Variants in INHBC observed in about 807,000 individuals in gnomAD.
INHBC encodes inhibin subunit beta C.
A neutral mutation model predicts 12.4 loss-of-function variants in INHBC; 10 were observed. That is an observed-to-expected ratio of 0.81 (90% CI 0.50 to 1.37). The LOEUF (loss-of-function observed/expected upper bound fraction) is 1.37, where lower values mean the gene tolerates loss of function less well. Ranked by LOEUF, INHBC falls within the 40% of genes most tolerant of loss-of-function variation. The probability of loss-of-function intolerance (pLI) is 0.00; values close to 1 mark genes in which losing one functional copy is unlikely to be tolerated. For missense variants in INHBC, 382 were observed against 439.4 expected, an observed-to-expected ratio of 0.87 and a Z score of 1.17; for synonymous variants, 147 against 171.6, an observed-to-expected ratio of 0.86 and a Z score of 1.12.
Position 57,435,046 on chromosome 12 carries a change from A to G in INHBC, c.160A>G (p.Lys54Glu), listed in dbSNP as rs751573600. 22 of 1,614,194 alleles carry G rather than the reference A, an allele frequency of 1.4e-5. No individual in the cohort carries two copies. The highest frequency in any genetic ancestry group is 1.9e-5 in the Non-Finnish European group (22 of 1,180,040). Residue 54 changes from lysine to glutamate, a missense_variant, in exon 1 of 2, where the codon AAG becomes GAG. Coordinates refer to ENST00000309668, the MANE Select transcript of INHBC (RefSeq NM_005538.4). Reference protein sequence around the residue: ...LDLAKRSILDKLHLTQRPTLN... With the variant: ...LDLAKRSILDELHLTQRPTLN... ...TCTGGCCAAGAGAAGCATCTTGGAC[A>G]AGCTGCACCTCACCCAGCGCCCAAC...
At chr12:57,438,849 G>A (rs1485704024) in intron 1 of INHBC, among the ~76,000 whole-genome samples, 2 of 152,142 alleles carry the variant, frequency 1.3e-5, no homozygotes, top group Non-Finnish European at 2.9e-5. Context: ...TCAGGATCGG[G>A]CTAAAGTTCA....
At chr12:57,435,655 C>T (rs1204194321) in intron 1 of INHBC, among the ~76,000 whole-genome samples, 1 of 152,072 alleles carries the variant, frequency 6.6e-6, no homozygotes, top group Non-Finnish European at 1.5e-5. Context: ...ACTGCAATAC[C>T]TCACCATATG....
At chr12:57,436,663 A>G (rs971150651) in intron 1 of INHBC, among the ~76,000 whole-genome samples, 2 of 148,416 alleles carry the variant, frequency 1.3e-5, no homozygotes, top group African/African-American at 2.5e-5. Flanking sequence ...TTTATTTTTT[A>G]TTTTATTTTA....
chr12:57,447,537 A>T (rs969300938), intron 1 of INHBC, among the ~76,000 whole-genome samples: 3 of 151,074 alleles, frequency 2.0e-5, no homozygotes, highest in Non-Finnish European at 4.4e-5. Context: ...AAGAATGAAG[A>T]GGGGGTATAT....
intron 1 of INHBC, among the ~76,000 whole-genome samples, chr12:57,437,544 G>T (rs1202998004): frequency 6.6e-6 from 1 of 151,384 alleles, no homozygotes; most frequent in East Asian, 2.0e-4. Context: ...GGTGGCAGGC[G>T]CCTGTAGTCC....
intron 1 of INHBC, among the ~76,000 whole-genome samples, chr12:57,436,558 T>A (rs1870346244): frequency 7.2e-6 from 1 of 139,644 alleles, no homozygotes; most frequent in South Asian, 2.4e-4. Context: ...CATTGCAGCC[T>A]CAACCTCCCA....
At chr12:57,437,868 C>A (rs1372909759) in intron 1 of INHBC, among the ~76,000 whole-genome samples, 2 of 151,790 alleles carry the variant, frequency 1.3e-5, no homozygotes, top group Non-Finnish European at 2.9e-5. Context: ...TCACTGCAAC[C>A]CCCGCCTCCC....
intron 1 of INHBC, among the ~76,000 whole-genome samples, chr12:57,435,847 C>CTT (rs553110736): frequency 4.9e-5 from 7 of 143,946 alleles, no homozygotes; most frequent in Admixed American, 1.4e-4. Context: ...TAGCAAGACC[C>CTT]TTTTTTTTTT....
chr12:57,447,287 C>G (rs956806456), intron 1 of INHBC, among the ~76,000 whole-genome samples: 1 of 151,794 alleles, frequency 6.6e-6, no homozygotes. Flanking sequence ...CAAGTTCAAG[C>G]GATTCTCCTG....
At chr12:57,442,399 A>T (rs1180712344) in intron 1 of INHBC, among the ~76,000 whole-genome samples, 1 of 152,206 alleles carries the variant, frequency 6.6e-6, no homozygotes, top group Admixed American at 6.5e-5. Context: ...TGCCTGCCAT[A>T]ACTGGAGTGA....
At chr12:57,445,508 C>A (rs1200325100) in intron 1 of INHBC, among the ~76,000 whole-genome samples, 1 of 152,128 alleles carries the variant, frequency 6.6e-6, no homozygotes, top group Non-Finnish European at 1.5e-5. Context: ...TAAACACAAT[C>A]AAGATTTTGC....
At chr12:57,440,108 T>G (rs1283835272) in intron 1 of INHBC, among the ~76,000 whole-genome samples, 1 of 152,176 alleles carries the variant, frequency 6.6e-6, no homozygotes, top group African/African-American at 2.4e-5. Context: ...TGCCCTGAGG[T>G]AATTTCTTAC....
intron 1 of INHBC, among the ~76,000 whole-genome samples, chr12:57,446,810 C>T (rs188623306): frequency 5.9e-5 from 9 of 151,834 alleles, no homozygotes; most frequent in East Asian, 3.9e-4. Flanking sequence ...TGACTTCCAA[C>T]ATTTAAAGGT....
At chr12:57,446,520 G>T (rs947903490) in intron 1 of INHBC, among the ~76,000 whole-genome samples, 13 of 149,246 alleles carry the variant, frequency 8.7e-5, no homozygotes, top group Non-Finnish European at 1.6e-4. Flanking sequence ...TTGAGACAGG[G>T]TCTCATTTTG....
rs1434068543 is a variant in INHBC at position 57,451,795 on chromosome 12, A to G, written c.*1773A>G. The G allele has an allele frequency of 1.1e-5, 5 of 452,026 alleles. No homozygotes were observed. Among genetic ancestry groups the G allele is most frequent in the Non-Finnish European group, 2.2e-5 (5 of 225,602 alleles). 28.0% of individuals were successfully genotyped at this position (452,026 alleles called of 1,614,324 possible). A position where few individuals can be genotyped will look rare whatever the true frequency, so the allele number is the denominator to read the frequency against. The stretch of plus-strand genomic sequence containing the variant: ...TTGAGGAGACCTTCATCTAAGGAGA[A>G]TCTAAGGAGGCCTTCTGGTGTCTCC... On this transcript the variant is annotated 3_prime_UTR_variant, in exon 2 of 2. Coordinates refer to ENST00000309668, the MANE Select transcript of INHBC (RefSeq NM_005538.4).
intron 1 of INHBC, among the ~76,000 whole-genome samples, chr12:57,439,998 C>G (rs190318358): frequency 1.4e-4 from 21 of 152,156 alleles, no homozygotes; most frequent in Non-Finnish European, 2.8e-4. Flanking sequence ...GGCATGTGTT[C>G]CCATGACCAG....
chr12:57,441,869 C>T (rs949633058), intron 1 of INHBC, among the ~76,000 whole-genome samples: 2 of 151,914 alleles, frequency 1.3e-5, no homozygotes, highest in African/African-American at 2.4e-5. Context: ...TTAGTAGAGA[C>T]AGGGTTTCAC....
intron 1 of INHBC, among the ~76,000 whole-genome samples, chr12:57,445,921 GTTT>G (rs1361166832): frequency 3.1e-4 from 46 of 150,718 alleles, no homozygotes; most frequent in African/African-American, 1.1e-3. Flanking sequence ...ATTTTTGGTG[GTTT>G]TTTTGTTTGT....
rs1330733432 is a variant in INHBC, at chr12:57,449,931, GC to G, written c.973del (p.Leu325CysfsTer21). 1 of 1,587,626 alleles carries G rather than the reference GC, an allele frequency of 6.3e-7. No homozygotes were observed. The highest frequency in any genetic ancestry group is 8.6e-7 in the Non-Finnish European group (1 of 1,165,954). ...TCATGCTGTGTACCCACGGCCCGGC[GC>G]CCCCTGTCTCTGCTCTATTATGACA... ...GGSCCVPTARRPLSLLYYDRD... is the reference protein window; with the variant it reads ...GGSCCVPTARXPLSLLYYDRD... On this transcript the variant is annotated frameshift_variant, in exon 2 of 2. Transcript: ENST00000309668. LOFTEE classifies it high-confidence loss of function.
Sources: allele counts gnomAD v4.1 joint callset (sites outside exome capture counted in the v4.1 genomes callset), GRCh38; gene constraint gnomAD v4.1.1; transcripts MANE v1.5; gene names NCBI Gene and HGNC (gene_info 2026-07-23, HGNC 2026-07-21).